CAMK1D: variants seen among roughly 807,000 people sequenced by gnomAD.
The protein encoded by CAMK1D is calcium/calmodulin-dependent protein kinase type 1D.
A neutral mutation model predicts 47.7 loss-of-function variants in CAMK1D; 9 were observed. The observed-to-expected ratio is 0.19, with a 90% CI of 0.11 to 0.33. The LOEUF is 0.33. Among genes scored for constraint, CAMK1D ranks in the 10% least tolerant of loss-of-function variants. The pLI is 1.00. For missense variants in CAMK1D, 291 were observed against 488.7 expected (o/e 0.60, Z 3.81); for synonymous variants, 184 against 184.9 (o/e 0.99, Z 0.04).
At chr10:12,658,160 G>C (rs1274614497) in intron 2 of CAMK1D, among the ~76,000 whole-genome samples, 4 of 152,042 alleles carry the variant, frequency 2.6e-5, no homozygotes, top group Admixed American at 2.6e-4. Flanking sequence ...AAAAAACAAA[G>C]AACTGGGGTG....
chr10:12,438,229 G>A (rs1395627686), intron 1 of CAMK1D, among the ~76,000 whole-genome samples: 1 of 152,178 alleles, frequency 6.6e-6, no homozygotes, highest in Admixed American at 6.5e-5. Context: ...GTCTGAAGTC[G>A]TGGGTCCTTC....
chr10:12,487,671 T>A (rs1183267584), intron 1 of CAMK1D, among the ~76,000 whole-genome samples: 1 of 152,226 alleles, frequency 6.6e-6, no homozygotes, highest in Non-Finnish European at 1.5e-5. Flanking sequence ...CTGGAATCAC[T>A]TCTTGTGGAT....
At chr10:12,481,053 A>G (rs1834049541) in intron 1 of CAMK1D, among the ~76,000 whole-genome samples, 1 of 152,202 alleles carries the variant, frequency 6.6e-6, no homozygotes, top group African/African-American at 2.4e-5. Context: ...AGCTGCTTTT[A>G]TAAAACTAAT....
chr10:12,801,700 T>C (rs1374108589), intron 6 of CAMK1D, among the ~76,000 whole-genome samples: 2 of 152,236 alleles, frequency 1.3e-5, no homozygotes, highest in Non-Finnish European at 1.5e-5. Context: ...TTATCTGTCA[T>C]CTATCTCTAT....
intron 3 of CAMK1D, among the ~76,000 whole-genome samples, chr10:12,704,501 T>C (rs1382215542): frequency 1.3e-5 from 2 of 152,050 alleles, no homozygotes; most frequent in Non-Finnish European, 2.9e-5. Flanking sequence ...ATCTCTAAGG[T>C]GATAACATTC....
chr10:12,768,482 C>T (rs1452139150), intron 4 of CAMK1D, among the ~76,000 whole-genome samples: 1 of 152,152 alleles, frequency 6.6e-6, no homozygotes, highest in African/African-American at 2.4e-5. Context: ...ATGGGAAATG[C>T]TGTGGGAAAG....
chr10:12,610,826 A>G (rs1176648298), intron 2 of CAMK1D, among the ~76,000 whole-genome samples: 2 of 152,170 alleles, frequency 1.3e-5, no homozygotes, highest in Admixed American at 6.5e-5. Flanking sequence ...TCCCTGTCTT[A>G]TTGTTGGTGA....
At chr10:12,816,471 C>T in intron 8 of CAMK1D, 143 bp downstream of exon 8, 1 of 672,320 alleles carries the variant, frequency 1.5e-6, no homozygotes, top group East Asian at 2.8e-5. Flanking sequence ...TGACTTTCCT[C>T]CTCTCCCCAA....
At chr10:12,816,817 A>G (rs1481025770) in intron 8 of CAMK1D, among the ~76,000 whole-genome samples, 4 of 146,446 alleles carry the variant, frequency 2.7e-5, no homozygotes, top group Admixed American at 7.1e-5. Flanking sequence ...GGTTGCAGTG[A>G]GCTGAGATCG....
At chr10:12,492,804 G>A (rs143808256) in intron 1 of CAMK1D, among the ~76,000 whole-genome samples, 150 of 152,282 alleles carry the variant, frequency 9.9e-4, no homozygotes, top group African/African-American at 3.3e-3. Flanking sequence ...TGAGCCTCCA[G>A]GCTGGTAGCT....
Position 12,440,849 on chromosome 10 carries a change from C to T in CAMK1D, c.92+90939C>T, listed in dbSNP as rs1179694700. 2.0e-5 allele frequency among the ~76,000 whole-genome samples: 3 copies of T among 152,142 alleles called. No individual in the cohort carries two copies. The South Asian group carries it at 6.2e-4, about 32-fold the overall frequency. ...CCTGAAAATACAGCATCTTGGCATA[C>T]TGAATATTTCAGGCTGAAGGAAATG... On this transcript the variant is annotated intron_variant, in intron 1 of 10. Transcript: ENST00000619168.
At chr10:12,772,780 C>T (rs371838944) in intron 5 of CAMK1D, among the ~76,000 whole-genome samples, 9 of 152,242 alleles carry the variant, frequency 5.9e-5, no homozygotes, top group Non-Finnish European at 1.0e-4. Flanking sequence ...GTAGCAGTGG[C>T]GTTCTTCTAT....
intron 1 of CAMK1D, among the ~76,000 whole-genome samples, chr10:12,382,036 G>A (rs74877591): frequency 0.01 from 1,547 of 152,192 alleles, 22 homozygotes; most frequent in African/African-American, 0.032. Flanking sequence ...GTGAAATGAC[G>A]TAACAAAACC....
chr10:12,526,699 C>T (rs981034827), intron 1 of CAMK1D, among the ~76,000 whole-genome samples: 1 of 151,944 alleles, frequency 6.6e-6, no homozygotes, highest in Non-Finnish European at 1.5e-5. Flanking sequence ...AGGTGGATCG[C>T]CTGAGCCCAG....
At position 12,374,561 on chromosome 10, in the gene CAMK1D, G is replaced by T. The variant is rs137899105; in HGVS notation, c.92+24651G>T. Among the ~76,000 whole-genome samples the T allele has an allele frequency of 3.0e-3, 453 of 152,340 alleles. 2 individuals carry two copies. The highest frequency in any genetic ancestry group is 5.1e-3 in the Non-Finnish European group (348 of 68,040). On this transcript the variant is annotated intron_variant, in intron 1 of 10. Coordinates refer to ENST00000619168, the MANE Select transcript of CAMK1D (RefSeq NM_153498.4). ...CACCCACTGCTCCCAGATGCTTGCA[G>T]CCTACTTTGGGCTTCTCTGTCTTTA...
At chr10:12,490,440 C>T (rs901134953) in intron 1 of CAMK1D, among the ~76,000 whole-genome samples, 12 of 152,214 alleles carry the variant, frequency 7.9e-5, no homozygotes, top group Middle Eastern at 6.8e-3. Context: ...AAGAGGTATT[C>T]TGACAGAGGG....
intron 1 of CAMK1D, among the ~76,000 whole-genome samples, chr10:12,456,932 C>T (rs905421124): frequency 6.6e-6 from 1 of 152,162 alleles, no homozygotes; most frequent in Non-Finnish European, 1.5e-5. Flanking sequence ...AGATACACCC[C>T]CACATGTGAT....
At chr10:12,654,891 T>C (rs1840076156) in intron 2 of CAMK1D, among the ~76,000 whole-genome samples, 1 of 152,232 alleles carries the variant, frequency 6.6e-6, no homozygotes. Flanking sequence ...CAAACTTGGC[T>C]GCACGTTTGA....
intron 2 of CAMK1D, among the ~76,000 whole-genome samples, chr10:12,572,113 G>C (rs1837347074): frequency 6.7e-6 from 1 of 148,356 alleles, no homozygotes; most frequent in Non-Finnish European, 1.5e-5. Context: ...TTTCAGTTTT[G>C]TTGTCACTTT....
Sources: allele counts gnomAD v4.1 joint callset (sites outside exome capture counted in the v4.1 genomes callset), GRCh38; gene constraint gnomAD v4.1.1; transcripts MANE v1.5; gene names NCBI Gene and HGNC (gene_info 2026-07-23, HGNC 2026-07-21).